RANGAP1: variants seen among roughly 807,000 people sequenced by gnomAD.
RANGAP1 encodes ran GTPase-activating protein 1.
In RANGAP1, 38 loss-of-function variants were observed where a neutral mutation model predicts 63.5. The ratio of observed to expected loss-of-function variants is 0.60; its 90% CI spans 0.46 to 0.78. RANGAP1 has a LOEUF of 0.78. Among genes scored for constraint, RANGAP1 ranks in the 30% least tolerant of loss-of-function variants. The probability of loss-of-function intolerance (pLI) is 0.00; values close to 1 mark genes in which losing one functional copy is unlikely to be tolerated. For missense variants in RANGAP1, 630 were observed against 740.3 expected (o/e 0.85, Z 1.73); for synonymous variants, 329 against 310.5 (o/e 1.06, Z -0.63).
chr22:41,269,552 T>G (rs367820705), intron 3 of RANGAP1, among the ~76,000 whole-genome samples: 2 of 151,360 alleles, frequency 1.3e-5, no homozygotes, highest in Non-Finnish European at 2.9e-5. Context: ...CTGGCCAACA[T>G]GTCAAAACCC....
chr22:41,273,255 T>C (rs1483557627), intron 3 of RANGAP1, among the ~76,000 whole-genome samples: 6 of 152,168 alleles, frequency 3.9e-5, no homozygotes, highest in Non-Finnish European at 7.3e-5. Context: ...AATGCCATTC[T>C]GGAACTCTGG....
chr22:41,272,253 T>C (rs1169181733), intron 3 of RANGAP1, among the ~76,000 whole-genome samples: 3 of 152,126 alleles, frequency 2.0e-5, no homozygotes, highest in Non-Finnish European at 2.9e-5. Flanking sequence ...CTGAGTTCTT[T>C]GGTTGGAAAA....
At chr22:41,259,849 A>C (rs969650470) in intron 6 of RANGAP1, among the ~76,000 whole-genome samples, 4 of 152,132 alleles carry the variant, frequency 2.6e-5, no homozygotes, top group Non-Finnish European at 5.9e-5. Flanking sequence ...CTAAAATACA[A>C]AAATTAACTG....
intron 1 of RANGAP1, chr22:41,285,477 C>T (rs763023928): frequency 7.6e-5 from 75 of 983,566 alleles, no homozygotes; most frequent in Non-Finnish European, 8.2e-5. Flanking sequence ...TCTCCCCGCT[C>T]CGCAGCAACG....
chr22:41,256,456 G>A (rs2033840974), intron 8 of RANGAP1, among the ~76,000 whole-genome samples, 166 bp from the exon 9 acceptor site: 1 of 152,304 alleles, frequency 6.6e-6, no homozygotes, highest in African/African-American at 2.4e-5. Flanking sequence ...ATGCCCTGCA[G>A]CCAACGATGA....
chr22:41,260,672 C>T (rs1370480541), intron 6 of RANGAP1, among the ~76,000 whole-genome samples: 1 of 152,182 alleles, frequency 6.6e-6, no homozygotes, highest in Non-Finnish European at 1.5e-5. Context: ...CATGGTAAAA[C>T]CCCGTCTCTA....
intron 5 of RANGAP1, among the ~76,000 whole-genome samples, chr22:41,262,321 A>G (rs1289404500): frequency 6.6e-6 from 1 of 152,182 alleles, no homozygotes; most frequent in East Asian, 1.9e-4. Context: ...AATGCGACAT[A>G]AAAGAATCAC....
chr22:41,275,750 G>A (rs976279834), intron 2 of RANGAP1, among the ~76,000 whole-genome samples: 1 of 151,378 alleles, frequency 6.6e-6, no homozygotes, highest in Admixed American at 6.6e-5. Context: ...CTACACTCTA[G>A]CCTGGGCGAC....
At chr22:41,260,985 G>A (rs1005262409) in intron 6 of RANGAP1, among the ~76,000 whole-genome samples, 1 of 152,184 alleles carries the variant, frequency 6.6e-6, no homozygotes, top group Non-Finnish European at 1.5e-5. Context: ...GAAGAGGAGT[G>A]GGGATAAGGT....
In RANGAP1 at chr22:41,254,464, TTCCTCC is replaced by T. The variant is rs556869373; in HGVS notation, c.1098_1103del (p.Glu367_Glu368del). 110 of 1,604,326 alleles carry T rather than the reference TTCCTCC, an allele frequency of 6.9e-5. 1 individual carries two copies. The East Asian group carries it at 2.2e-3, about 32-fold the overall frequency. On this transcript the variant is annotated inframe_deletion, in exon 11 of 16. Coordinates refer to ENST00000356244, the MANE Select transcript of RANGAP1 (RefSeq NM_002883.4). ...CTGCTTCCTCTTCTTCCTCTTCTCC[TTCCTCC>T]TCCTCCTCCTCGTCCTCGTCATCAC...
In RANGAP1 at chr22:41,249,784, G is replaced by A. The variant is rs750187143; in HGVS notation, c.1517C>T (p.Ser506Phe). 9 of 1,614,040 alleles carry A rather than the reference G, an allele frequency of 5.6e-6. No homozygotes were observed. The highest frequency in any genetic ancestry group is 7.6e-6 in the Non-Finnish European group (9 of 1,179,876). The change falls in exon 14 of 16, where the codon TCC becomes TTC. Residue 506 changes from serine (S) to phenylalanine (F), a missense_variant. This residue lies in a region of RANGAP1 where 428 missense variants were observed against 465.5 expected (regional missense o/e 0.92). Coordinates refer to ENST00000356244, the MANE Select transcript of RANGAP1 (RefSeq NM_002883.4). ...GGTGAGGAAGGTGTTGGAGTTGAAG[G>A]ACGAGGAGTTGAAAGCCTTCTGCAT... is the stretch of plus-strand genomic sequence containing the variant. Reference protein sequence around the residue: ...ALMQKAFNSSSFNSNTFLTRL... With the variant: ...ALMQKAFNSSFFNSNTFLTRL...
intron 3 of RANGAP1, among the ~76,000 whole-genome samples, chr22:41,272,217 T>C (rs572536035): frequency 1.5e-4 from 23 of 152,130 alleles, no homozygotes; most frequent in African/African-American, 5.5e-4. Flanking sequence ...TTCCTGTTCT[T>C]CACAGGTCTC....
At chr22:41,282,931 T>TA (rs2035571554) in intron 1 of RANGAP1, among the ~76,000 whole-genome samples, 1 of 152,192 alleles carries the variant, frequency 6.6e-6, no homozygotes, top group Non-Finnish European at 1.5e-5. Flanking sequence ...GGCCTCCTCC[T>TA]ACAACCTCCT....
At chr22:41,298,988 C>T in the RANGAP1 span, among the ~76,000 whole-genome samples, 1 of 152,138 alleles carries the variant, frequency 6.6e-6, no homozygotes, top group Admixed American at 6.6e-5. Context: ...TTGCTGTATC[C>T]TCACCTGGCA....
chr22:41,299,224 C>T, the RANGAP1 span, among the ~76,000 whole-genome samples: 1 of 152,028 alleles, frequency 6.6e-6, no homozygotes. Flanking sequence ...CCTCTACTTC[C>T]CAGGTTCAAG....
Position 41,278,956 on chromosome 22 carries a change from C to G in RANGAP1, c.112+1977G>C, listed in dbSNP as rs189697957. Among the ~76,000 whole-genome samples, 492 of 152,072 alleles carry G rather than the reference C, an allele frequency of 3.2e-3. 1 individual carries two copies. Among genetic ancestry groups the G allele is most frequent in the African/African-American group, 0.011 (470 of 41,476 alleles). On this transcript the variant is annotated intron_variant, in intron 2 of 15. Coordinates refer to ENST00000356244, the MANE Select transcript of RANGAP1 (RefSeq NM_002883.4). The stretch of plus-strand genomic sequence containing the variant: ...GATCGAGACCATCTTGGCTAACTAA[C>G]ACGGTGAAACCCCGTCTCTACTAAA...
intron 1 of RANGAP1, chr22:41,281,289 A>C: frequency 2.6e-6 from 2 of 783,428 alleles, no homozygotes; most frequent in East Asian, 3.9e-5. Flanking sequence ...CAGAAAAATC[A>C]TGTCTTAGCC....
intron 12 of RANGAP1, 74 bp from the exon 13 acceptor site, chr22:41,251,183 A>G: frequency 8.1e-7 from 1 of 1,234,026 alleles, no homozygotes; most frequent in Middle Eastern, 2.0e-4. Context: ...GCTAGCTAGG[A>G]GAGGCCTGGG....
At chr22:41,293,733 C>G in the RANGAP1 span, among the ~76,000 whole-genome samples, 1 of 140,254 alleles carries the variant, frequency 7.1e-6, no homozygotes, top group African/African-American at 2.8e-5. Flanking sequence ...AAGCCGAGAT[C>G]GCGCCACTGC....
Sources: allele counts gnomAD v4.1 joint callset (sites outside exome capture counted in the v4.1 genomes callset), GRCh38; gene constraint gnomAD v4.1.1; regional missense constraint gnomAD v4.1.1; transcripts MANE v1.5; gene names NCBI Gene and HGNC (gene_info 2026-07-23, HGNC 2026-07-21).